Variants in OPCML observed in about 807,000 individuals in gnomAD.
OPCML encodes the protein opioid binding protein/cell adhesion molecule like.
Under a neutral mutation model 37.8 loss-of-function variants are expected in OPCML, and 13 were observed. The ratio of observed to expected loss-of-function variants is 0.34; its 90% CI spans 0.22 to 0.55. The LOEUF is 0.55. Ranked by LOEUF, OPCML falls within the 20% of genes least tolerant of loss-of-function variation. The probability of loss-of-function intolerance (pLI) is 0.91; values close to 1 mark genes in which losing one functional copy is unlikely to be tolerated. For missense variants in OPCML, 341 were observed against 435.6 expected (o/e 0.78, Z 1.93); for synonymous variants, 176 against 168.8 (o/e 1.04, Z -0.33).
At chr11:132,518,834 A>G (rs2096285960) in intron 4 of OPCML, among the ~76,000 whole-genome samples, 1 of 152,220 alleles carries the variant, frequency 6.6e-6, no homozygotes, top group Admixed American at 6.5e-5. Flanking sequence ...GCTAAAGGGA[A>G]AGCAAATAGT....
At position 133,406,134 on chromosome 11, in the gene OPCML, T is replaced by G. The variant is rs899560069; in HGVS notation, c.61+126130A>C. Among the ~76,000 whole-genome samples, 3 of 152,284 alleles carry G rather than the reference T, an allele frequency of 2.0e-5. No homozygotes were observed. The South Asian group carries it at 6.2e-4, about 32-fold the overall frequency. ...ATAAACATACTATTATTATGATTAT[T>G]GTTATGATCTATCATAACAATAATC... On this transcript the variant is annotated intron_variant, in intron 1 of 7. Transcript: ENST00000524381.
intron 1 of OPCML, among the ~76,000 whole-genome samples, chr11:133,481,646 C>T (rs1947374193): frequency 6.6e-6 from 1 of 152,026 alleles, no homozygotes. Flanking sequence ...GAAAAATAGG[C>T]TATGACTACA....
chr11:133,452,256 G>A (rs1946594210), intron 1 of OPCML, among the ~76,000 whole-genome samples: 1 of 151,512 alleles, frequency 6.6e-6, no homozygotes, highest in South Asian at 2.1e-4. Context: ...GGAAATACAT[G>A]AATAACCAGA....
chr11:133,220,961 G>GT (rs1163708966), intron 1 of OPCML, among the ~76,000 whole-genome samples: 1 of 152,236 alleles, frequency 6.6e-6, no homozygotes, highest in African/African-American at 2.4e-5. Context: ...TCTCACGGCT[G>GT]TATGGCCCTT....
chr11:132,891,059 T>C (rs1267697525), intron 2 of OPCML, among the ~76,000 whole-genome samples: 2 of 152,086 alleles, frequency 1.3e-5, no homozygotes, highest in Non-Finnish European at 2.9e-5. Flanking sequence ...ACAAGCCACA[T>C]CCAAAGTTAT....
At chr11:132,480,841 C>T (rs184766353) in intron 4 of OPCML, among the ~76,000 whole-genome samples, 186 of 151,978 alleles carry the variant, frequency 1.2e-3, no homozygotes, top group Middle Eastern at 6.8e-3. Flanking sequence ...TCACCACCAG[C>T]CCTGCCCTAA....
chr11:132,509,567 G>A (rs1379004023), intron 4 of OPCML, among the ~76,000 whole-genome samples: 4 of 152,198 alleles, frequency 2.6e-5, no homozygotes, highest in African/African-American at 9.6e-5. Flanking sequence ...TAGGGACTTG[G>A]TGCCCTGTGT....
In OPCML at chr11:133,022,272, T is replaced by C. The variant is rs559736530; in HGVS notation, c.62-79262A>G. ...ACCTATGAGTCCCGATGGCACACTC[T>C]TGTGAAGGGAAACTTGATGGATGAA... On this transcript the variant is annotated intron_variant, in intron 1 of 7. Transcript: ENST00000524381. Among the ~76,000 whole-genome samples the C allele has an allele frequency of 2.6e-5, 4 of 152,344 alleles. No individual in the cohort carries two copies. In the East Asian group the frequency reaches 7.7e-4, roughly 29 times the overall value.
At chr11:133,166,291 T>C (rs1950207328) in intron 1 of OPCML, among the ~76,000 whole-genome samples, 1 of 152,242 alleles carries the variant, frequency 6.6e-6, no homozygotes, top group South Asian at 2.1e-4. Context: ...AGCTGTTATA[T>C]GTCCCTTACA....
intron 4 of OPCML, among the ~76,000 whole-genome samples, chr11:132,463,485 G>A (rs891364306): frequency 6.6e-6 from 1 of 152,202 alleles, no homozygotes; most frequent in Non-Finnish European, 1.5e-5. Context: ...CATTGCAGAT[G>A]TCCTGAAGAG....
intron 1 of OPCML, among the ~76,000 whole-genome samples, chr11:133,019,554 A>G (rs1947410174): frequency 6.6e-6 from 1 of 152,196 alleles, no homozygotes. Flanking sequence ...AATTATGTTC[A>G]TTGGGTTTGG....
intron 1 of OPCML, among the ~76,000 whole-genome samples, chr11:133,494,559 A>T (rs1308320106): frequency 6.8e-6 from 1 of 146,402 alleles, no homozygotes; most frequent in East Asian, 2.0e-4. Flanking sequence ...TGATGAGTTC[A>T]TGTCCTTTGT....
chr11:133,128,823 G>T (rs1005723090), intron 1 of OPCML, among the ~76,000 whole-genome samples: 1 of 152,094 alleles, frequency 6.6e-6, no homozygotes, highest in Non-Finnish European at 1.5e-5. Context: ...GAGAAGAAAT[G>T]CCAGTCAAAA....
At chr11:133,481,514 G>A (rs932704795) in intron 1 of OPCML, among the ~76,000 whole-genome samples, 1 of 152,070 alleles carries the variant, frequency 6.6e-6, no homozygotes, top group Non-Finnish European at 1.5e-5. Flanking sequence ...ATTTTAGATA[G>A]AGAAAATAAA....
chr11:133,479,380 C>T (rs1033464479), intron 1 of OPCML, among the ~76,000 whole-genome samples: 4 of 152,200 alleles, frequency 2.6e-5, no homozygotes, highest in African/African-American at 9.6e-5. Flanking sequence ...ATGTAAGGAA[C>T]ATTCTTGGGG....
intron 1 of OPCML, among the ~76,000 whole-genome samples, chr11:133,314,017 C>T (rs111833072): frequency 2.0e-5 from 3 of 151,814 alleles, no homozygotes; most frequent in South Asian, 2.1e-4. Flanking sequence ...GGGCGGATCA[C>T]GAGGTCAGGA....
chr11:133,220,139 G>T (rs955352312), intron 1 of OPCML, among the ~76,000 whole-genome samples: 5 of 152,306 alleles, frequency 3.3e-5, no homozygotes, highest in Middle Eastern at 3.4e-3. Flanking sequence ...GACACTGGCA[G>T]TGGAGGTTGG....
chr11:133,145,456 A>G (rs980614188), intron 1 of OPCML, among the ~76,000 whole-genome samples: 3 of 152,176 alleles, frequency 2.0e-5, no homozygotes, highest in Non-Finnish European at 2.9e-5. Flanking sequence ...CAAATTAGGC[A>G]TGGGGATAGG....
intron 1 of OPCML, chr11:133,302,002 G>C (rs1429551785): frequency 1.3e-5 from 2 of 152,098 alleles, no homozygotes; most frequent in African/African-American, 4.8e-5. Flanking sequence ...TAAAAAGCTT[G>C]GAAAGACATA....
Sources: gnomAD v4.1 joint callset for allele counts (sites outside exome capture counted in the v4.1 genomes callset) on GRCh38, gnomAD v4.1.1 for gene constraint, MANE v1.5 for transcripts, NCBI Gene and HGNC (gene_info 2026-07-23, HGNC 2026-07-21) for gene names.